WWOX: variants seen among roughly 807,000 people sequenced by gnomAD.
WWOX encodes the protein WW domain-containing oxidoreductase.
In WWOX, 69 loss-of-function variants were observed where a neutral mutation model predicts 46.2. The ratio of observed to expected loss-of-function variants is 1.49; its 90% CI spans 1.23 to 1.82. WWOX has a LOEUF of 1.82. Among genes scored for constraint, WWOX ranks in the 40% most tolerant of loss-of-function variants. The pLI is 0.00. For synonymous variants in WWOX, 359 were observed against 202.6 expected (o/e 1.77, Z -6.56); for missense variants, 919 against 542.6 (o/e 1.69, Z -6.89).
chr16:78,106,426 T>TTG (rs1965047657), intron 1 of WWOX, among the ~76,000 whole-genome samples: 1 of 146,812 alleles, frequency 6.8e-6, no homozygotes, highest in Non-Finnish European at 1.5e-5. Context: ...TTTTTGTTTT[T>TTG]TTTTTTTTTT....
intron 5 of WWOX, among the ~76,000 whole-genome samples, chr16:78,351,880 C>G (rs368497274): frequency 2.0e-5 from 3 of 152,182 alleles, no homozygotes; most frequent in Non-Finnish European, 4.4e-5. Flanking sequence ...TGGTCTCAAA[C>G]TCGTGACCTT....
chr16:78,512,107 T>C (rs889823163), intron 8 of WWOX, among the ~76,000 whole-genome samples: 2 of 152,206 alleles, frequency 1.3e-5, no homozygotes, highest in Admixed American at 6.5e-5. Context: ...TTGCACTTAA[T>C]TTTAAAACGC....
intron 8 of WWOX, among the ~76,000 whole-genome samples, chr16:78,987,211 G>A (rs187928708): frequency 2.3e-4 from 35 of 152,296 alleles, no homozygotes; most frequent in Admixed American, 9.1e-4. Flanking sequence ...ACCAAAAGAC[G>A]AGTCAGTTTA....
intron 8 of WWOX, among the ~76,000 whole-genome samples, chr16:79,132,247 T>C (rs1258308571): frequency 6.6e-6 from 1 of 152,102 alleles, no homozygotes; most frequent in African/African-American, 2.4e-5. Context: ...GTTGACTTTA[T>C]AAGTTACATT....
intron 4 of WWOX, among the ~76,000 whole-genome samples, chr16:78,128,856 C>T (rs942795279): frequency 6.7e-4 from 102 of 152,182 alleles, no homozygotes; most frequent in Admixed American, 1.0e-3. Flanking sequence ...CTAAATTCAG[C>T]AGCTAGGTTT....
intron 5 of WWOX, among the ~76,000 whole-genome samples, chr16:78,276,173 A>C (rs2079574541): frequency 6.6e-6 from 1 of 152,194 alleles, no homozygotes; most frequent in East Asian, 1.9e-4. Context: ...GGTGGGAAGC[A>C]CAGGTGATTT....
At chr16:78,280,277 A>T (rs1037682883) in intron 5 of WWOX, among the ~76,000 whole-genome samples, 2 of 152,188 alleles carry the variant, frequency 1.3e-5, no homozygotes, top group Non-Finnish European at 2.9e-5. Context: ...GTTATATATA[A>T]ATATTTGGAA....
chr16:79,196,605 C>A (rs1458663808), intron 8 of WWOX: 1 of 152,222 alleles, frequency 6.6e-6, no homozygotes, highest in Non-Finnish European at 1.5e-5. Context: ...CCTCTCTTCT[C>A]CTGATACTCC....
intron 8 of WWOX, among the ~76,000 whole-genome samples, chr16:78,717,585 G>C (rs1259365732): frequency 1.3e-5 from 2 of 152,168 alleles, no homozygotes; most frequent in Non-Finnish European, 2.9e-5. Context: ...TGGTGGAAGA[G>C]ATTAATGAGT....
At chr16:78,867,624 A>G (rs946170623) in intron 8 of WWOX, among the ~76,000 whole-genome samples, 2 of 151,852 alleles carry the variant, frequency 1.3e-5, no homozygotes, top group East Asian at 1.9e-4. Context: ...CACTGCAACT[A>G]CAACATCCCA....
At chr16:78,426,664 A>G (rs2083085841) in intron 7 of WWOX, among the ~76,000 whole-genome samples, 1 of 151,932 alleles carries the variant, frequency 6.6e-6, no homozygotes, top group African/African-American at 2.4e-5. Flanking sequence ...GTTATTTATT[A>G]TTACTGTTAT....
At chr16:78,774,573 C>T (rs921891838) in intron 8 of WWOX, among the ~76,000 whole-genome samples, 2 of 152,014 alleles carry the variant, frequency 1.3e-5, no homozygotes, top group African/African-American at 4.8e-5. Context: ...TCCCCCTCCC[C>T]CCCCACACAT....
intron 8 of WWOX, among the ~76,000 whole-genome samples, chr16:78,457,909 CA>C (rs57956003): frequency 0.059 from 5,159 of 86,950 alleles, 171 homozygotes; most frequent in African/African-American, 0.14. Context: ...GACTCTGACT[CA>C]AAAAAAAAAA....
At chr16:78,433,572 T>G (rs891473114) in intron 8 of WWOX, among the ~76,000 whole-genome samples, 11 of 152,222 alleles carry the variant, frequency 7.2e-5, no homozygotes, top group African/African-American at 2.6e-4. Context: ...ATCACCCTTT[T>G]CCCAAACACA....
intron 8 of WWOX, among the ~76,000 whole-genome samples, chr16:78,570,050 A>G (rs932052672): frequency 1.4e-3 from 210 of 152,330 alleles, no homozygotes; most frequent in Non-Finnish European, 2.8e-4. Context: ...ATATAAATAT[A>G]AAGAAAATAC....
In WWOX at chr16:78,702,122, ATT is replaced by A. The variant is rs35027685; in HGVS notation, c.1056+269372_1056+269373del. ...AAGTTATATATATATATATATATAT[ATT>A]TATTTATTTTCAAGACATGGTGGCA... is the stretch of plus-strand genomic sequence containing the variant. On this transcript the variant is annotated intron_variant, in intron 8 of 8. Transcript: ENST00000566780. Among the ~76,000 whole-genome samples the A allele has an allele frequency of 1.7e-3, 211 of 121,728 alleles. 3 individuals are homozygous for A. The highest frequency in any genetic ancestry group is 4.4e-3 in the South Asian group (16 of 3,650). The allele number at this position is 121,728 out of a possible 152,430, so 79.9% of individuals were successfully genotyped here.
intron 8 of WWOX, among the ~76,000 whole-genome samples, chr16:78,781,074 C>T (rs955397347): frequency 1.3e-5 from 2 of 152,078 alleles, no homozygotes; most frequent in South Asian, 2.1e-4. Context: ...ACAGAAGCCT[C>T]CTAATTACCA....
chr16:78,740,700 G>A (rs2049200120), intron 8 of WWOX, among the ~76,000 whole-genome samples: 1 of 152,152 alleles, frequency 6.6e-6, no homozygotes, highest in Non-Finnish European at 1.5e-5. Context: ...GCCGATTGAA[G>A]CGCTAGTAAT....
intron 8 of WWOX, among the ~76,000 whole-genome samples, chr16:78,451,256 A>G (rs1362068009): frequency 6.6e-6 from 1 of 152,162 alleles, no homozygotes; most frequent in African/African-American, 2.4e-5. Context: ...TAATGTGAAG[A>G]TATGAAATGT....
Sources: allele counts gnomAD v4.1 joint callset (sites outside exome capture counted in the v4.1 genomes callset), GRCh38; gene constraint gnomAD v4.1.1; transcripts MANE v1.5; gene names NCBI Gene and HGNC (gene_info 2026-07-23, HGNC 2026-07-21).